ARB2A: variants seen among roughly 807,000 people sequenced by gnomAD.
ARB2A encodes ARB2 cotranscriptional regulator A, also known as cotranscriptional regulator ARB2A.
chr5:93,829,393 T>G, the ARB2A span, among the ~76,000 whole-genome samples: 2 of 152,278 alleles, frequency 1.3e-5, no homozygotes, highest in South Asian at 4.1e-4. Context: ...TACTGCATAC[T>G]CCCTACTTGT....
the ARB2A span, among the ~76,000 whole-genome samples, chr5:94,038,541 GT>G: frequency 2.0e-5 from 3 of 151,960 alleles, no homozygotes; most frequent in Non-Finnish European, 4.4e-5. Flanking sequence ...ACATAACTGT[GT>G]GAATGTAAAG....
the ARB2A span, chr5:93,860,641 GTTTC>G: frequency 7.0e-6 from 1 of 143,532 alleles, no homozygotes; most frequent in African/African-American, 2.5e-5. Flanking sequence ...TGGTAAGATT[GTTTC>G]TTTCTTTTTT....
the ARB2A span, among the ~76,000 whole-genome samples, chr5:94,063,379 C>A: frequency 9.9e-5 from 15 of 152,258 alleles, no homozygotes; most frequent in African/African-American, 3.4e-4. Context: ...CCTGCCTAGC[C>A]TGTCGTACCT....
the ARB2A span, among the ~76,000 whole-genome samples, chr5:94,012,788 A>G: frequency 1.3e-5 from 2 of 152,180 alleles, no homozygotes; most frequent in African/African-American, 2.4e-5. Flanking sequence ...ATACTATAAC[A>G]ATGGGTTTTT....
chr5:94,037,107 C>T, the ARB2A span, among the ~76,000 whole-genome samples: 4,793 of 152,176 alleles, frequency 0.031, 114 homozygotes, highest in Non-Finnish European at 0.046. Flanking sequence ...TGTATTTCTG[C>T]GCTTTGCATT....
chr5:93,850,050 G>T, the ARB2A span, among the ~76,000 whole-genome samples: 1 of 152,138 alleles, frequency 6.6e-6, no homozygotes, highest in Non-Finnish European at 1.5e-5. Flanking sequence ...ACTGATACTT[G>T]AGGACTTTAA....
the ARB2A span, among the ~76,000 whole-genome samples, chr5:93,988,858 T>C: frequency 6.6e-6 from 1 of 152,148 alleles, no homozygotes; most frequent in Non-Finnish European, 1.5e-5. Context: ...AACCCACCCA[T>C]GGTCACACAT....
At chr5:93,642,917 T>C in the ARB2A span, among the ~76,000 whole-genome samples, 1 of 152,222 alleles carries the variant, frequency 6.6e-6, no homozygotes, top group African/African-American at 2.4e-5. Flanking sequence ...TGTTTTTTTA[T>C]GGTTGTGTTC....
chr5:93,881,400 A>C, the ARB2A span: 1 of 1,148,638 alleles, frequency 8.7e-7, no homozygotes, highest in South Asian at 1.6e-5. Flanking sequence ...AGAAAAACAA[A>C]ACAATCTACA....
the ARB2A span, among the ~76,000 whole-genome samples, chr5:93,828,107 GT>G: frequency 6.6e-5 from 10 of 152,034 alleles, no homozygotes; most frequent in Non-Finnish European, 1.0e-4. Flanking sequence ...CTTTAAAGTA[GT>G]TTTTTTCCAA....
chr5:93,776,529 G>A, the ARB2A span, among the ~76,000 whole-genome samples: 1 of 152,210 alleles, frequency 6.6e-6, no homozygotes, highest in Non-Finnish European at 1.5e-5. Context: ...TGAAATCCCA[G>A]CACTTTGGGA....
At chr5:94,090,753 G>A in the ARB2A span, among the ~76,000 whole-genome samples, 2 of 152,076 alleles carry the variant, frequency 1.3e-5, no homozygotes, top group Non-Finnish European at 2.9e-5. Flanking sequence ...TAATTTTATC[G>A]AAGGCCTTTT....
At chr5:93,846,225 C>A in the ARB2A span, among the ~76,000 whole-genome samples, 4 of 151,924 alleles carry the variant, frequency 2.6e-5, no homozygotes, top group African/African-American at 7.3e-5. Flanking sequence ...GAGGCTGGGC[C>A]CAGTGTGGTG....
the ARB2A span, among the ~76,000 whole-genome samples, chr5:93,830,002 T>C: frequency 6.6e-6 from 1 of 152,086 alleles, no homozygotes; most frequent in Admixed American, 6.6e-5. Context: ...TGTAGACATA[T>C]CTGGAGTGAC....
the ARB2A span, among the ~76,000 whole-genome samples, chr5:93,728,829 C>T: frequency 3.9e-5 from 6 of 152,090 alleles, no homozygotes; most frequent in East Asian, 1.9e-4. Flanking sequence ...CATTAACAAA[C>T]GTACTACAAT....
chr5:93,926,247 A>T, the ARB2A span, among the ~76,000 whole-genome samples: 4 of 151,710 alleles, frequency 2.6e-5, no homozygotes, highest in East Asian at 7.8e-4. Flanking sequence ...CTCCTGCCTC[A>T]GTCTCCCGAG....
the ARB2A span, among the ~76,000 whole-genome samples, chr5:93,918,421 T>C: frequency 2.0e-5 from 3 of 148,976 alleles, no homozygotes; most frequent in Non-Finnish European, 4.4e-5. Context: ...TTAGGTTACT[T>C]CCAAATTTCT....
chr5:93,902,687 T>C, the ARB2A span, among the ~76,000 whole-genome samples: 1 of 152,110 alleles, frequency 6.6e-6, no homozygotes, highest in East Asian at 1.9e-4. Flanking sequence ...TCAGATGTCA[T>C]TTCGTGAAAA....
At chr5:93,710,432 A>C in the ARB2A span, among the ~76,000 whole-genome samples, 1 of 152,212 alleles carries the variant, frequency 6.6e-6, no homozygotes, top group South Asian at 2.1e-4. Flanking sequence ...GATTATGATT[A>C]ATGTACAAAA....
Sources: gnomAD v4.1 joint callset for allele counts (sites outside exome capture counted in the v4.1 genomes callset) on GRCh38, gnomAD v4.1.1 for gene constraint, MANE v1.5 for transcripts, NCBI Gene and HGNC (gene_info 2026-07-23, HGNC 2026-07-21) for gene names.